The following TAL1 variants were observed in gnomAD, a reference collection of about 807,000 sequenced individuals.
TAL1 encodes TAL bHLH transcription factor 1, erythroid differentiation factor, also known as T-cell acute lymphocytic leukemia protein 1.
TAL1 carries 8 observed loss-of-function variants against 17.9 expected under a neutral mutation model. That is an observed-to-expected ratio of 0.45 (90% CI 0.26 to 0.81). The LOEUF (loss-of-function observed/expected upper bound fraction) is 0.81, where lower values mean the gene tolerates loss of function less well. Among genes scored for constraint, TAL1 ranks in the 30% least tolerant of loss-of-function variants. The probability of loss-of-function intolerance (pLI) is 0.17; values close to 1 mark genes in which losing one functional copy is unlikely to be tolerated. For missense variants in TAL1, 466 were observed against 486.9 expected, an observed-to-expected ratio of 0.96 and a Z score of 0.40; for synonymous variants, 223 against 218.6, an observed-to-expected ratio of 1.02 and a Z score of -0.18.
chr1:47,226,819 C>T (rs573578726), intron 1 of TAL1, among the ~76,000 whole-genome samples: 1 of 152,314 alleles, frequency 6.6e-6, no homozygotes, highest in Non-Finnish European at 1.5e-5. Context: ...GGTCTGGACT[C>T]CCATCCAAGA....
At chr1:47,226,286 G>C (rs995061039) in intron 1 of TAL1, 4 of 181,842 alleles carry the variant, frequency 2.2e-5, no homozygotes, top group Non-Finnish European at 4.5e-5. Context: ...AGGCCTAAAG[G>C]GAAGAGGAGG....
chr1:47,219,520 T>C, exon 4 of TAL1: 1 of 851,392 alleles, frequency 1.2e-6, no homozygotes, highest in South Asian at 1.4e-5. Context: ...TTGCTCCATT[T>C]TTCTGATCTC....
chr1:47,231,526 C>G (rs1439971494), upstream of TAL1: 2 of 234,082 alleles, frequency 8.5e-6, no homozygotes, highest in Non-Finnish European at 1.7e-5. Flanking sequence ...CACTGCCCAA[C>G]AGGACACAAC....
chr1:47,217,392 C>CAA (rs2148582151), exon 4 of TAL1: 1 of 396,130 alleles, frequency 2.5e-6, no homozygotes, highest in African/African-American at 2.1e-5. Context: ...GTCTCTCACA[C>CAA]ACACACACAC....
At chr1:47,219,992 G>A (rs1645587253) in exon 4 of TAL1, 2 of 1,601,404 alleles carry the variant, frequency 1.2e-6, no homozygotes, top group Non-Finnish European at 1.7e-6. Context: ...TCATTGAGCA[G>A]CTTGGCCAAG....
At chr1:47,216,327 T>A (rs1256907253) in exon 4 of TAL1, 1 of 215,646 alleles carries the variant, frequency 4.6e-6, no homozygotes, top group African/African-American at 2.3e-5. Context: ...ATCTTCCCGA[T>A]ACATCCTCAC....
exon 4 of TAL1, chr1:47,216,548 C>T (rs75125041): frequency 1.2e-4 from 28 of 231,266 alleles, no homozygotes; most frequent in Non-Finnish European, 2.1e-4. Flanking sequence ...ACTATGTACA[C>T]GGGCAGGGGG....
rs1643901241 is a variant in TAL1, at chr1:47,225,838, C to T, written c.51G>A (p.Glu17=). 4 of 1,584,322 alleles carry T rather than the reference C, an allele frequency of 2.5e-6. No homozygotes were observed. The Admixed American group carries it at 6.8e-5, about 27-fold the overall frequency. The change falls in exon 2 of 4, where the codon GAG becomes GAA. Residue 17 remains glutamate, a synonymous_variant. Coordinates refer to ENST00000294339, the Ensembl canonical transcript of TAL1. ...TGCTGGCCTCGGCCGCGTCCCGTCC[C>T]TCTAGCTGGGGGTCACTGCGAGCCG... is the stretch of plus-strand genomic sequence containing the variant.
chr1:47,231,233 C>T (rs544297680), upstream of TAL1: 890 of 183,676 alleles, frequency 4.8e-3, 6 homozygotes, highest in Non-Finnish European at 7.8e-3. Flanking sequence ...GCGCTGTCCG[C>T]CCACCCAAGC....
At chr1:47,220,293 A>T in intron 3 of TAL1, 119 bp from the exon 5 acceptor site, 1 of 1,364,838 alleles carries the variant, frequency 7.3e-7, no homozygotes. Flanking sequence ...TACTTAGAAA[A>T]CATCCACCCT....
chr1:47,216,535 T>G (rs1645498253), exon 4 of TAL1: 1 of 231,004 alleles, frequency 4.3e-6, no homozygotes, highest in Admixed American at 5.7e-5. Flanking sequence ...ACAGAAACAA[T>G]GCACTATGTA....
intron 1 of TAL1, 162 bp downstream of exon 2, chr1:47,229,034 C>G (rs1055631124): frequency 5.8e-6 from 1 of 171,024 alleles, no homozygotes; most frequent in African/African-American, 2.4e-5. Context: ...GAGGCAGCTA[C>G]AGCAGTCAGA....
exon 4 of TAL1, chr1:47,219,660 A>C: frequency 1.3e-6 from 2 of 1,598,286 alleles, no homozygotes; most frequent in Non-Finnish European, 1.7e-6. Context: ...CCTGCCCTGA[A>C]GCCCACCATC....
chr1:47,226,654 G>C (rs925818660), intron 1 of TAL1, among the ~76,000 whole-genome samples: 1 of 152,226 alleles, frequency 6.6e-6, no homozygotes, highest in African/African-American at 2.4e-5. Context: ...AGAGATGAGA[G>C]GTCGCCAAGG....
At chr1:47,220,797 A>C (rs1403309480) in intron 3 of TAL1, among the ~76,000 whole-genome samples, 1 of 152,234 alleles carries the variant, frequency 6.6e-6, no homozygotes, top group Non-Finnish European at 1.5e-5. Context: ...TGTGCTAGGC[A>C]CTGAGGAATA....
At chr1:47,225,296 A>G in intron 2 of TAL1, 147 bp downstream of exon 3, 1 of 692,064 alleles carries the variant, frequency 1.4e-6, no homozygotes, top group Non-Finnish European at 2.0e-6. Context: ...CTCTAGAGCC[A>G]CTGGGTTTAA....
chr1:47,219,286 G>T (rs959672448), exon 4 of TAL1: 54 of 471,888 alleles, frequency 1.1e-4, no homozygotes, highest in African/African-American at 1.0e-3. Context: ...AATATGGACA[G>T]AAGTGGCCAC....
exon 4 of TAL1, chr1:47,219,878 G>A (rs746691871): frequency 4.4e-6 from 7 of 1,581,738 alleles, no homozygotes; most frequent in Admixed American, 1.7e-5. Flanking sequence ...TCTTGCAGGA[G>A]GTCATCTGGG....
chr1:47,216,603 G>C, exon 4 of TAL1: 1 of 231,908 alleles, frequency 4.3e-6, no homozygotes. Context: ...TCACAAGTAC[G>C]GCCAGACCCA....
Sources: gnomAD v4.1 joint callset for allele counts (sites outside exome capture counted in the v4.1 genomes callset) on GRCh38, gnomAD v4.1.1 for gene constraint, MANE v1.5 for transcripts, NCBI Gene and HGNC (gene_info 2026-07-23, HGNC 2026-07-21) for gene names.